Variants in RBMS3 observed in about 807,000 individuals in gnomAD.
RBMS3 encodes the protein RNA-binding motif, single-stranded-interacting protein 3.
In RBMS3, 27 loss-of-function variants were observed where a neutral mutation model predicts 66.8. That is an observed-to-expected ratio of 0.40 (90% CI 0.30 to 0.56). The LOEUF (loss-of-function observed/expected upper bound fraction) is 0.56, where lower values mean the gene tolerates loss of function less well. Among genes scored for constraint, RBMS3 ranks in the 20% least tolerant of loss-of-function variants. The pLI, the probability that RBMS3 is intolerant of heterozygous loss-of-function variation, is 0.40. For missense variants in RBMS3, 513 were observed against 549.5 expected (o/e 0.93, Z 0.66); for synonymous variants, 188 against 183.0 (o/e 1.03, Z -0.22).
At chr3:29,997,518 A>G (rs1699324948) in intron 14 of RBMS3, among the ~76,000 whole-genome samples, 1 of 150,150 alleles carries the variant, frequency 6.7e-6, no homozygotes, top group South Asian at 2.1e-4. Context: ...AAAAATCCTC[A>G]ATAAAATACT....
intron 3 of RBMS3, among the ~76,000 whole-genome samples, chr3:29,582,930 A>G (rs1343989581): frequency 6.6e-6 from 1 of 152,146 alleles, no homozygotes; most frequent in Non-Finnish European, 1.5e-5. Flanking sequence ...TATTGTAACT[A>G]GTGAAAGTGT....
At chr3:29,841,270 T>G (rs1228709403) in intron 6 of RBMS3, among the ~76,000 whole-genome samples, 1 of 152,012 alleles carries the variant, frequency 6.6e-6, no homozygotes, top group Non-Finnish European at 1.5e-5. Context: ...ACAAATTTTT[T>G]TCTTAATCAG....
intron 3 of RBMS3, among the ~76,000 whole-genome samples, chr3:29,545,774 A>T (rs1293398094): frequency 6.6e-6 from 1 of 152,194 alleles, no homozygotes; most frequent in Non-Finnish European, 1.5e-5. Context: ...TCTCAGATTC[A>T]GAGAAGAAAA....
intron 3 of RBMS3, among the ~76,000 whole-genome samples, chr3:29,497,154 C>T (rs553198818): frequency 3.3e-5 from 5 of 151,864 alleles, no homozygotes; most frequent in Admixed American, 6.6e-5. Flanking sequence ...GGACTACAGG[C>T]GCATTCTACC....
intron 14 of RBMS3, among the ~76,000 whole-genome samples, chr3:29,995,263 G>A (rs1329915988): frequency 2.0e-5 from 3 of 152,176 alleles, no homozygotes; most frequent in East Asian, 3.9e-4. Flanking sequence ...ATGGGACTAT[G>A]TGAAAAGACC....
intron 3 of RBMS3, 54 bp downstream of exon 3, chr3:29,488,553 G>A: frequency 6.7e-7 from 1 of 1,499,294 alleles, no homozygotes; most frequent in Non-Finnish European, 9.2e-7. Context: ...TCTGATTAAT[G>A]GTTCTTCCAT....
At chr3:29,847,108 T>TG (rs2058801001) in intron 6 of RBMS3, among the ~76,000 whole-genome samples, 1 of 152,172 alleles carries the variant, frequency 6.6e-6, no homozygotes, top group African/African-American at 2.4e-5. Flanking sequence ...GACACAGCCT[T>TG]GGGAAAGCCT....
intron 4 of RBMS3, among the ~76,000 whole-genome samples, chr3:29,672,693 C>G (rs1308232637): frequency 6.6e-6 from 1 of 152,014 alleles, no homozygotes; most frequent in Non-Finnish European, 1.5e-5. Context: ...ACAAAGAAGG[C>G]CATTACATAA....
At position 29,408,639 on chromosome 3, in the gene RBMS3, T is replaced by A. The variant is rs959881551; in HGVS notation, c.76-26104T>A. Among the ~76,000 whole-genome samples, 69 of 152,254 alleles carry A rather than the reference T, an allele frequency of 4.5e-4. 1 individual carries two copies. Among genetic ancestry groups the A allele is most frequent in the African/African-American group, 1.3e-3 (54 of 41,538 alleles). ...CTAATGTCATTATGATACACTTTTT[T>A]TATATATATATTTTCTTTCTAAATC... On this transcript the variant is annotated intron_variant, in intron 1 of 14. Transcript: ENST00000383767.
intron 1 of RBMS3, among the ~76,000 whole-genome samples, chr3:29,288,798 A>C (rs144806124): frequency 2.6e-5 from 4 of 152,122 alleles, no homozygotes; most frequent in African/African-American, 9.6e-5. Flanking sequence ...TGAATCTCAG[A>C]ATAGTAGCCT....
chr3:29,509,355 G>A (rs901366643), intron 3 of RBMS3, among the ~76,000 whole-genome samples: 3 of 152,046 alleles, frequency 2.0e-5, no homozygotes, highest in Non-Finnish European at 4.4e-5. Context: ...TACTAATAAT[G>A]ACTAATATAT....
At chr3:29,683,123 G>T (rs2051567152) in intron 4 of RBMS3, among the ~76,000 whole-genome samples, 1 of 152,076 alleles carries the variant, frequency 6.6e-6, no homozygotes, top group African/African-American at 2.4e-5. Context: ...TTACTACCCG[G>T]CTTCCTACAT....
intron 3 of RBMS3, among the ~76,000 whole-genome samples, chr3:29,520,251 C>G (rs144926554): frequency 6.6e-6 from 1 of 152,198 alleles, no homozygotes; most frequent in South Asian, 2.1e-4. Context: ...TATTAAAAAG[C>G]GTGCAGTATC....
At chr3:29,909,692 T>A (rs1421465791) in intron 10 of RBMS3, among the ~76,000 whole-genome samples, 1 of 152,142 alleles carries the variant, frequency 6.6e-6, no homozygotes, top group Non-Finnish European at 1.5e-5. Flanking sequence ...ATGCATCTAT[T>A]AATAGATGGC....
intron 2 of RBMS3, 77 bp from the exon 3 acceptor site, chr3:29,488,364 C>T: frequency 7.9e-7 from 1 of 1,263,898 alleles, no homozygotes; most frequent in Non-Finnish European, 1.1e-6. Context: ...TGTGTGTGCC[C>T]CGATGTTCAT....
intron 11 of RBMS3, among the ~76,000 whole-genome samples, chr3:29,943,237 AAG>A (rs1249492940): frequency 6.6e-6 from 1 of 151,850 alleles, no homozygotes; most frequent in East Asian, 1.9e-4. Context: ...TAAATGGAAT[AAG>A]AGTCACACAA....
chr3:29,769,573 T>C (rs17024363), intron 6 of RBMS3, among the ~76,000 whole-genome samples: 6,518 of 151,970 alleles, frequency 0.043, 430 homozygotes, highest in African/African-American at 0.14. Context: ...GAAGTTCTAA[T>C]CTTGGTAGGA....
intron 11 of RBMS3, among the ~76,000 whole-genome samples, chr3:29,941,776 A>G (rs1217334378): frequency 6.6e-6 from 1 of 151,882 alleles, no homozygotes; most frequent in Non-Finnish European, 1.5e-5. Context: ...GCCAAGGAAC[A>G]TGTACAAAAA....
Position 29,634,311 on chromosome 3 carries a change from A to G in RBMS3, c.399+47106A>G, listed in dbSNP as rs189728012. On this transcript the variant is annotated intron_variant, in intron 4 of 14. Coordinates refer to ENST00000383767, the MANE Select transcript of RBMS3 (RefSeq NM_001003793.3). ...GTTAATATGGACACATTTCTCATTTAGAAGAGAGATCATGAACTATCTTTA... is the reference window on the plus strand; with the variant it reads ...GTTAATATGGACACATTTCTCATTTGGAAGAGAGATCATGAACTATCTTTA... 1.2e-4 allele frequency among the ~76,000 whole-genome samples: 18 copies of G among 152,030 alleles called. No individual in the cohort carries two copies. The East Asian group carries it at 2.5e-3, about 21-fold the overall frequency.
Sources: gnomAD v4.1 joint callset for allele counts (sites outside exome capture counted in the v4.1 genomes callset) on GRCh38, gnomAD v4.1.1 for gene constraint, MANE v1.5 for transcripts, NCBI Gene and HGNC (gene_info 2026-07-23, HGNC 2026-07-21) for gene names.